Variants in FGD4 observed in about 807,000 individuals in gnomAD.
FGD4 encodes the protein FYVE, RhoGEF and PH domain-containing protein 4.
In FGD4, 42 loss-of-function variants were observed where a neutral mutation model predicts 102.0. The ratio of observed to expected loss-of-function variants is 0.41; its 90% CI spans 0.32 to 0.53. The LOEUF is 0.53. FGD4 is among the 20% of genes least tolerant of loss of function. The pLI is 0.21. For missense variants in FGD4, 902 were observed against 1,078.2 expected (o/e 0.84, Z 2.29); for synonymous variants, 380 against 375.7 (o/e 1.01, Z -0.13).
chr12:32,591,811 G>A (rs1445183757), intron 4 of FGD4, among the ~76,000 whole-genome samples: 1 of 152,160 alleles, frequency 6.6e-6, no homozygotes, highest in African/African-American at 2.4e-5. Flanking sequence ...TAACAACCAG[G>A]CCGAACCTAA....
intron 10 of FGD4, among the ~76,000 whole-genome samples, chr12:32,614,903 GTC>G (rs932143722): frequency 5.3e-5 from 8 of 152,210 alleles, no homozygotes; most frequent in African/African-American, 1.9e-4. Context: ...ACTTTTAAAA[GTC>G]TTTTTGTGTC....
intron 1 of FGD4, among the ~76,000 whole-genome samples, chr12:32,516,966 A>C (rs1369864863): frequency 6.6e-6 from 1 of 152,176 alleles, no homozygotes; most frequent in Non-Finnish European, 1.5e-5. Flanking sequence ...TCTGGAAATG[A>C]TGATAATTTA....
chr12:32,489,168 A>G (rs1305017241), intron 1 of FGD4, among the ~76,000 whole-genome samples: 1 of 152,060 alleles, frequency 6.6e-6, no homozygotes, highest in Non-Finnish European at 1.5e-5. Context: ...GCTTCTCTTC[A>G]GTGCGTGCCT....
At chr12:32,451,834 CAAAAAAAAAAAAA>C (rs60760923) in intron 1 of FGD4, among the ~76,000 whole-genome samples, 15 of 24,156 alleles carry the variant, frequency 6.2e-4, no homozygotes, top group Admixed American at 1.7e-3. Flanking sequence ...AACTCCATCT[CAAAAAAAAAAAAA>C]AAAAAAAAAA....
chr12:32,410,726 C>T (rs974800533), intron 1 of FGD4, among the ~76,000 whole-genome samples: 4 of 152,086 alleles, frequency 2.6e-5, no homozygotes, highest in Admixed American at 6.6e-5. Context: ...TCATCAACTG[C>T]AGTGTCTGTG....
chr12:32,495,695 C>CAAAAAAAAAAG (rs1555188637), intron 1 of FGD4, among the ~76,000 whole-genome samples: 2 of 76,076 alleles, frequency 2.6e-5, no homozygotes, highest in African/African-American at 1.1e-4. Flanking sequence ...GACTCTGTTT[C>CAAAAAAAAAAG]AAAAAAAAAA....
chr12:32,445,212 T>A (rs1359035996), intron 1 of FGD4, among the ~76,000 whole-genome samples: 1 of 152,202 alleles, frequency 6.6e-6, no homozygotes, highest in Non-Finnish European at 1.5e-5. Flanking sequence ...AGTAAAGTAT[T>A]TAGGGAAATC....
Position 32,555,634 on chromosome 12 carries a change from C to G in FGD4, c.167-8503C>G, listed in dbSNP as rs548222644. 9.8e-4 allele frequency among the ~76,000 whole-genome samples: 146 copies of G among 148,332 alleles called. 1 individual carries two copies. The highest frequency in any genetic ancestry group is 3.4e-3 in the African/African-American group (137 of 39,916). ...TCACCCAGGCTGAAGTGCAGTGGCG[C>G]CATCTCGGCTCACTGCAAGCTCCGC... is the stretch of plus-strand genomic sequence containing the variant. On this transcript the variant is annotated intron_variant, in intron 1 of 16. Transcript: ENST00000534526.
chr12:32,444,988 T>C (rs990090318), intron 1 of FGD4, among the ~76,000 whole-genome samples: 1 of 152,184 alleles, frequency 6.6e-6, no homozygotes, highest in Admixed American at 6.6e-5. Context: ...CGAGATAGAA[T>C]AGCAAGGGTC....
intron 1 of FGD4, among the ~76,000 whole-genome samples, chr12:32,548,682 T>TA (rs2136177759): frequency 6.6e-6 from 1 of 152,264 alleles, no homozygotes; most frequent in South Asian, 2.1e-4. Context: ...CTGGCAGAAT[T>TA]ACAGAATGTG....
At chr12:32,458,483 A>T (rs1299306823) in intron 1 of FGD4, among the ~76,000 whole-genome samples, 1 of 151,988 alleles carries the variant, frequency 6.6e-6, no homozygotes, top group Non-Finnish European at 1.5e-5. Flanking sequence ...CTGATTTTTT[A>T]AATTTCTAAT....
chr12:32,611,585 C>G (rs1442279477), intron 10 of FGD4, among the ~76,000 whole-genome samples: 1 of 151,722 alleles, frequency 6.6e-6, no homozygotes, highest in Non-Finnish European at 1.5e-5. Flanking sequence ...GAGCGAGACT[C>G]CATCTAAAAA....
intron 4 of FGD4, among the ~76,000 whole-genome samples, chr12:32,596,678 G>A (rs1420322282): frequency 1.3e-5 from 2 of 151,818 alleles, no homozygotes; most frequent in East Asian, 3.9e-4. Flanking sequence ...GCTCATGCCT[G>A]TAATCCCAGC....
chr12:32,468,064 T>C (rs929858107), intron 1 of FGD4, among the ~76,000 whole-genome samples: 3 of 151,986 alleles, frequency 2.0e-5, no homozygotes, highest in African/African-American at 7.2e-5. Flanking sequence ...TTTTTCTAAG[T>C]TGGGGTGTTG....
chr12:32,621,893 T>A (rs1949863166), intron 11 of FGD4, among the ~76,000 whole-genome samples: 1 of 151,688 alleles, frequency 6.6e-6, no homozygotes, highest in East Asian at 1.9e-4. Flanking sequence ...GGAACACTTT[T>A]TTTTTTTTTT....
At chr12:32,451,931 G>A (rs1942789801) in intron 1 of FGD4, among the ~76,000 whole-genome samples, 1 of 147,724 alleles carries the variant, frequency 6.8e-6, no homozygotes, top group South Asian at 2.2e-4. Flanking sequence ...CTACCTGCCC[G>A]AGCTATGTTC....
At chr12:32,534,526 T>C (rs1212745574) in intron 1 of FGD4, 6 of 1,409,650 alleles carry the variant, frequency 4.3e-6, no homozygotes, top group African/African-American at 1.4e-5. Context: ...CTAGTAGATA[T>C]ATTTTTTTCT....
At chr12:32,550,688 A>AG (rs910755795) in intron 1 of FGD4, among the ~76,000 whole-genome samples, 6 of 150,642 alleles carry the variant, frequency 4.0e-5, no homozygotes, top group South Asian at 2.1e-4. Context: ...AAAAAAAAAA[A>AG]AAAGAAAGAG....
At chr12:32,438,348 T>C (rs1001853402) in intron 1 of FGD4, among the ~76,000 whole-genome samples, 1 of 152,212 alleles carries the variant, frequency 6.6e-6, no homozygotes, top group Non-Finnish European at 1.5e-5. Flanking sequence ...CAGCTGAAGA[T>C]GACAAAGGTA....
Sources: gnomAD v4.1 joint callset for allele counts (sites outside exome capture counted in the v4.1 genomes callset) on GRCh38, gnomAD v4.1.1 for gene constraint, MANE v1.5 for transcripts, NCBI Gene and HGNC (gene_info 2026-07-23, HGNC 2026-07-21) for gene names.